Variants in ADGRL3 observed in about 807,000 individuals in gnomAD.
ADGRL3 encodes calcium-independent alpha-latrotoxin receptor 3.
Under a neutral mutation model 153.5 loss-of-function variants are expected in ADGRL3, and 62 were observed. The observed-to-expected ratio is 0.40, with a 90% CI of 0.33 to 0.50. The LOEUF is 0.50. Ranked by LOEUF, ADGRL3 falls within the 20% of genes least tolerant of loss-of-function variation. ADGRL3 has a pLI of 0.47. For synonymous variants in ADGRL3, 710 were observed against 672.5 expected (o/e 1.06, Z -0.86); for missense variants, 1,641 against 1,859.4 (o/e 0.88, Z 2.16).
At chr4:61,785,531 G>A (rs1278944668) in intron 8 of ADGRL3, among the ~76,000 whole-genome samples, 2 of 152,142 alleles carry the variant, frequency 1.3e-5, no homozygotes, top group South Asian at 4.1e-4. Flanking sequence ...CAATGTTAAG[G>A]CATGGTTGCC....
chr4:61,772,223 C>T (rs1345416729), intron 8 of ADGRL3, among the ~76,000 whole-genome samples: 1 of 152,130 alleles, frequency 6.6e-6, no homozygotes, highest in Non-Finnish European at 1.5e-5. Context: ...TTGGAAAGGA[C>T]TGGATAGGAA....
At chr4:62,036,417 G>C (rs561285260) in intron 23 of ADGRL3, among the ~76,000 whole-genome samples, 3 of 152,064 alleles carry the variant, frequency 2.0e-5, no homozygotes, top group African/African-American at 7.2e-5. Context: ...TTCTATGCTT[G>C]AGTCACCTGA....
intron 2 of ADGRL3, among the ~76,000 whole-genome samples, chr4:61,398,705 TTC>T (rs139429232): frequency 2.9e-4 from 44 of 149,492 alleles, no homozygotes; most frequent in Non-Finnish European, 3.9e-4. Context: ...ACTCTCTCTC[TTC>T]TCTCTCTCTC....
At chr4:61,525,188 G>A (rs538522741) in intron 4 of ADGRL3, among the ~76,000 whole-genome samples, 117 of 152,090 alleles carry the variant, frequency 7.7e-4, no homozygotes, top group Non-Finnish European at 1.0e-3. Context: ...GGAGATAAAC[G>A]AGAAAGGAGG....
intron 4 of ADGRL3, among the ~76,000 whole-genome samples, chr4:61,555,214 T>C (rs1365488933): frequency 6.6e-6 from 1 of 152,224 alleles, no homozygotes; most frequent in Non-Finnish European, 1.5e-5. Flanking sequence ...AAATAATCCT[T>C]ATGCCAAAGT....
At chr4:61,776,167 T>A (rs1176598133) in intron 8 of ADGRL3, among the ~76,000 whole-genome samples, 1 of 152,172 alleles carries the variant, frequency 6.6e-6, no homozygotes, top group East Asian at 1.9e-4. Flanking sequence ...CCCAAAGTGC[T>A]GGGATTACAG....
At chr4:61,250,572 T>C (rs1184564683) in intron 1 of ADGRL3, among the ~76,000 whole-genome samples, 1 of 152,182 alleles carries the variant, frequency 6.6e-6, no homozygotes, top group African/African-American at 2.4e-5. Context: ...TTTTCTCTCT[T>C]GAATTCTAAG....
rs1168225166 is a variant in ADGRL3 at position 61,725,620 on chromosome 4, A to C, written c.584-5002A>C. Among the ~76,000 whole-genome samples the C allele has an allele frequency of 2.0e-5, 3 of 151,914 alleles. No homozygotes were observed. In the East Asian group the frequency reaches 5.8e-4, roughly 30 times the overall value. On this transcript the variant is annotated intron_variant, in intron 6 of 26. Coordinates refer to ENST00000683033, the MANE Select transcript of ADGRL3 (RefSeq NM_001387552.1). ...AAAAAAAAAAAACCAAAAAAAAACA[A>C]AAAAAAACAAAAGTCTACTCAGTTT...
At chr4:61,857,662 T>TC (rs1279178051) in intron 9 of ADGRL3, among the ~76,000 whole-genome samples, 3 of 151,630 alleles carry the variant, frequency 2.0e-5, no homozygotes, top group African/African-American at 7.3e-5. Flanking sequence ...CTTCCTTCCT[T>TC]CTTTCTTCCT....
chr4:62,010,399 T>C (rs1369238708), intron 21 of ADGRL3, among the ~76,000 whole-genome samples: 2 of 152,020 alleles, frequency 1.3e-5, no homozygotes, highest in African/African-American at 4.8e-5. Flanking sequence ...GTGCCAGGAA[T>C]CAGGTACGAA....
chr4:61,620,295 A>G (rs2092409173), intron 5 of ADGRL3, among the ~76,000 whole-genome samples: 2 of 152,150 alleles, frequency 1.3e-5, no homozygotes, highest in Admixed American at 1.3e-4. Flanking sequence ...ATAGCTAGAC[A>G]GCTTTGGAAA....
chr4:61,775,550 GCTTCC>G (rs2097138241), intron 8 of ADGRL3: 2 of 808,250 alleles, frequency 2.5e-6, no homozygotes, highest in Admixed American at 3.4e-5. Context: ...ACTTTATGAG[GCTTCC>G]CCTCTCTGTC....
At chr4:62,018,026 G>A (rs1429610038) in intron 21 of ADGRL3, among the ~76,000 whole-genome samples, 3 of 152,076 alleles carry the variant, frequency 2.0e-5, no homozygotes, top group Admixed American at 6.6e-5. Context: ...TAAGAGGCTG[G>A]CACTTAAGAT....
chr4:61,866,827 G>A (rs1221468445), intron 9 of ADGRL3, among the ~76,000 whole-genome samples: 1 of 152,098 alleles, frequency 6.6e-6, no homozygotes, highest in African/African-American at 2.4e-5. Flanking sequence ...AAGGATTAAA[G>A]GTAGTGTCAC....
chr4:61,956,632 A>G (rs1313536007), intron 17 of ADGRL3, among the ~76,000 whole-genome samples: 1 of 152,004 alleles, frequency 6.6e-6, no homozygotes, highest in Non-Finnish European at 1.5e-5. Context: ...CCCAAACGGT[A>G]TTGCCTAGGT....
intron 4 of ADGRL3, among the ~76,000 whole-genome samples, chr4:61,577,743 T>C (rs893425053): frequency 2.6e-5 from 4 of 151,140 alleles, no homozygotes; most frequent in Admixed American, 1.3e-4. Flanking sequence ...AGACCAGGAG[T>C]TCGAGGTTGT....
At chr4:61,336,957 G>A (rs906476455) in intron 1 of ADGRL3, among the ~76,000 whole-genome samples, 9 of 151,436 alleles carry the variant, frequency 5.9e-5, no homozygotes, top group African/African-American at 1.9e-4. Flanking sequence ...TCCATAAAGC[G>A]GTGTTTGGAA....
chr4:61,866,910 G>A (rs1329375890), intron 9 of ADGRL3, among the ~76,000 whole-genome samples: 1 of 152,022 alleles, frequency 6.6e-6, no homozygotes, highest in Non-Finnish European at 1.5e-5. Flanking sequence ...CTGCTTTTTT[G>A]AAGATCCTGG....
At chr4:61,844,577 T>TAAAAAAAAAA (rs1323384746) in intron 9 of ADGRL3, among the ~76,000 whole-genome samples, 1 of 54,958 alleles carries the variant, frequency 1.8e-5, no homozygotes, top group Non-Finnish European at 3.1e-5. Flanking sequence ...AAAAAAAAAA[T>TAAAAAAAAAA]ATATATATAT....
Sources: allele counts gnomAD v4.1 joint callset (sites outside exome capture counted in the v4.1 genomes callset), GRCh38; gene constraint gnomAD v4.1.1; transcripts MANE v1.5; gene names NCBI Gene and HGNC (gene_info 2026-07-23, HGNC 2026-07-21).